TCF12: variants seen among roughly 807,000 people sequenced by gnomAD.
The protein encoded by TCF12 is DNA-binding protein HTF4.
TCF12 carries 45 observed loss-of-function variants against 86.0 expected under a neutral mutation model. That is an observed-to-expected ratio of 0.52 (90% CI 0.41 to 0.67). TCF12 has a LOEUF of 0.67. TCF12 is among the 30% of genes least tolerant of loss of function. The pLI is 0.00. For missense variants in TCF12, 881 were observed against 859.9 expected (o/e 1.02, Z -0.31); for synonymous variants, 330 against 299.6 (o/e 1.10, Z -1.05).
intron 3 of TCF12, among the ~76,000 whole-genome samples, chr15:56,968,107 C>G (rs774851068): frequency 6.6e-6 from 1 of 151,942 alleles, no homozygotes; most frequent in Non-Finnish European, 1.5e-5. Flanking sequence ...CAGGCATGTG[C>G]CACAACGCCT....
chr15:57,193,327 A>G (rs369135144), intron 7 of TCF12, among the ~76,000 whole-genome samples: 1 of 152,236 alleles, frequency 6.6e-6, no homozygotes, highest in Non-Finnish European at 1.5e-5. Context: ...CATTCACTAC[A>G]TTGTGCCGCT....
At chr15:57,201,773 G>A (rs1453811513) in intron 8 of TCF12, among the ~76,000 whole-genome samples, 5 of 152,080 alleles carry the variant, frequency 3.3e-5, no homozygotes, top group African/African-American at 4.8e-5. Context: ...TTTTACTTCC[G>A]TTTTAGGGTT....
intron 3 of TCF12, among the ~76,000 whole-genome samples, chr15:56,981,894 G>A (rs1157354325): frequency 3.3e-5 from 5 of 152,172 alleles, no homozygotes; most frequent in African/African-American, 1.2e-4. Context: ...TCATGCTGAG[G>A]AAGAGGAGAG....
chr15:57,094,577 G>T (rs1406459302), intron 5 of TCF12, among the ~76,000 whole-genome samples: 2 of 152,170 alleles, frequency 1.3e-5, no homozygotes, highest in Non-Finnish European at 2.9e-5. Context: ...TAATTTAAGG[G>T]AGTTTCTGGC....
chr15:56,920,288 C>T (rs1233086240), intron 2 of TCF12, among the ~76,000 whole-genome samples: 1 of 152,002 alleles, frequency 6.6e-6, no homozygotes, highest in Non-Finnish European at 1.5e-5. Flanking sequence ...GAGTCACCCT[C>T]CCACCGCGAT....
chr15:57,044,957 G>A (rs568285179), intron 3 of TCF12, among the ~76,000 whole-genome samples: 112 of 152,298 alleles, frequency 7.4e-4, no homozygotes, highest in Middle Eastern at 3.4e-3. Context: ...GGGTGTAAAT[G>A]ACAAAGCATC....
chr15:57,188,222 T>G (rs1195351661), intron 6 of TCF12, among the ~76,000 whole-genome samples: 2 of 151,448 alleles, frequency 1.3e-5, no homozygotes, highest in African/African-American at 4.8e-5. Flanking sequence ...ATTTCTTTAA[T>G]TTTTTTTTCA....
chr15:57,067,872 C>A (rs1056790463), intron 4 of TCF12, among the ~76,000 whole-genome samples: 4 of 152,162 alleles, frequency 2.6e-5, no homozygotes, highest in African/African-American at 9.7e-5. Flanking sequence ...TGATTAAAAT[C>A]TCAGGTAGTT....
intron 2 of TCF12, among the ~76,000 whole-genome samples, chr15:56,920,496 G>GTGTGTGTT (rs1432271974): frequency 6.6e-6 from 1 of 151,456 alleles, no homozygotes; most frequent in African/African-American, 2.4e-5. Context: ...ACGTGTGTGT[G>GTGTGTGTT]TGTGTGTGTG....
intron 5 of TCF12, among the ~76,000 whole-genome samples, chr15:57,163,958 G>C (rs2054678663): frequency 6.6e-6 from 1 of 152,134 alleles, no homozygotes; most frequent in South Asian, 2.1e-4. Context: ...TAAATAGATA[G>C]GGAATTTCAG....
intron 5 of TCF12, among the ~76,000 whole-genome samples, chr15:57,100,491 A>G (rs1424917926): frequency 3.5e-5 from 5 of 144,882 alleles, no homozygotes; most frequent in Non-Finnish European, 6.0e-5. Flanking sequence ...TTGAACTCCT[A>G]GGTTTAAGTG....
intron 3 of TCF12, among the ~76,000 whole-genome samples, chr15:56,932,040 C>G (rs920469205): frequency 2.6e-5 from 4 of 152,164 alleles, no homozygotes; most frequent in African/African-American, 9.7e-5. Context: ...TGTATAATCC[C>G]TCTTCTCAAG....
chr15:57,011,330 GTCAGGGA>G (rs2064816307), intron 3 of TCF12, among the ~76,000 whole-genome samples: 1 of 152,006 alleles, frequency 6.6e-6, no homozygotes, highest in Non-Finnish European at 1.5e-5. Context: ...TTGTTTATAA[GTCAGGGA>G]TCCACCCCCT....
At chr15:57,036,326 G>A (rs1163632057) in intron 3 of TCF12, among the ~76,000 whole-genome samples, 1 of 152,088 alleles carries the variant, frequency 6.6e-6, no homozygotes, top group Non-Finnish European at 1.5e-5. Context: ...TATTTTAAAG[G>A]GGAGGTTGAC....
At chr15:56,959,081 GGAT>G (rs1166168296) in intron 3 of TCF12, among the ~76,000 whole-genome samples, 2 of 152,032 alleles carry the variant, frequency 1.3e-5, no homozygotes, top group East Asian at 3.9e-4. Flanking sequence ...GGTATCATTT[GGAT>G]GATAACATTG....
intron 4 of TCF12, among the ~76,000 whole-genome samples, chr15:57,088,024 C>T (rs2048759759): frequency 6.6e-6 from 1 of 152,024 alleles, no homozygotes; most frequent in African/African-American, 2.4e-5. Context: ...TTGAAATATG[C>T]AGCATGATCA....
chr15:57,152,309 A>AC (rs2053820645), intron 5 of TCF12, among the ~76,000 whole-genome samples: 1 of 152,252 alleles, frequency 6.6e-6, no homozygotes, highest in Non-Finnish European at 1.5e-5. Flanking sequence ...TCAAGAGGCA[A>AC]AACAGTTAAC....
At chr15:57,126,533 C>G (rs1478086969) in intron 5 of TCF12, among the ~76,000 whole-genome samples, 2 of 151,966 alleles carry the variant, frequency 1.3e-5, no homozygotes, top group Non-Finnish European at 2.9e-5. Flanking sequence ...AAAACTAAAA[C>G]CCTTCCTTTA....
intron 7 of TCF12, among the ~76,000 whole-genome samples, chr15:57,193,343 C>T (rs1000759453): frequency 1.3e-5 from 2 of 152,116 alleles, no homozygotes; most frequent in Admixed American, 6.6e-5. Context: ...CCGCTGTCAC[C>T]CCTATCTAGT....
Sources: gnomAD v4.1 joint callset for allele counts (sites outside exome capture counted in the v4.1 genomes callset) on GRCh38, gnomAD v4.1.1 for gene constraint, MANE v1.5 for transcripts, NCBI Gene and HGNC (gene_info 2026-07-23, HGNC 2026-07-21) for gene names.